Variants in ANKRD36 observed in about 807,000 individuals in gnomAD.
ANKRD36 encodes ankyrin repeat domain-containing protein 36A.
Under a neutral mutation model 278.1 loss-of-function variants are expected in ANKRD36, and 179 were observed. The observed-to-expected ratio is 0.64, with a 90% CI of 0.57 to 0.73. The LOEUF (loss-of-function observed/expected upper bound fraction) is 0.73. Ranked by LOEUF, ANKRD36 falls within the 30% of genes least tolerant of loss-of-function variation. The pLI is 0.00. For synonymous variants in ANKRD36, 320 were observed against 641.1 expected, an observed-to-expected ratio of 0.50 and a Z score of 7.57; for missense variants, 1,159 against 1,956.7, an observed-to-expected ratio of 0.59 and a Z score of 7.69.
chr2:97,192,713 C>T, intron 36 of ANKRD36, 145 bp from the exon 37 acceptor site: 4 of 1,192,256 alleles, frequency 3.4e-6, no homozygotes, highest in Non-Finnish European at 4.8e-6. Flanking sequence ...CTGTCACGTT[C>T]TAGTCCCCAG....
rs1359167694 is a variant in ANKRD36, at chr2:97,218,091, A to G, written c.3775+719A>G. 2.0e-5 allele frequency among the ~76,000 whole-genome samples: 3 copies of G among 151,942 alleles called. No individual in the cohort carries two copies. In the East Asian group the frequency reaches 6.0e-4, roughly 30 times the overall value. On this transcript the variant is annotated intron_variant, in intron 64 of 75. Coordinates refer to ENST00000420699, the MANE Select transcript of ANKRD36 (RefSeq NM_001354587.1). ...CACATATATTTTTTATTAGTTATTCAAATGAGTTGAAGTTTAATATGAATA... is the reference window on the plus strand; with the variant it reads ...CACATATATTTTTTATTAGTTATTCGAATGAGTTGAAGTTTAATATGAATA...
chr2:97,185,330 C>T lies in ANKRD36; in HGVS notation c.1954C>T (p.Gln652Ter). Residue 652 changes from glutamine to a stop codon, truncating the protein, a stop_gained, in exon 29 of 76, where the codon CAA (glutamine) becomes TAA (stop). Transcript: ENST00000420699. LOFTEE classifies it high-confidence loss of function. ...GKSGTVSSQKQPASKATSDKT... is the reference protein window; with the variant it reads ...GKSGTVSSQK The stretch of plus-strand genomic sequence containing the variant: ...TTGCTTTTCAGTGTCTTCTCAGAAA[C>T]AACCAGCCTCAAAGGTAATTAAACT... 6.2e-7 allele frequency: 1 copy of T among 1,607,986 alleles called. No homozygotes were observed. Among genetic ancestry groups the T allele is most frequent in the Non-Finnish European group, 8.5e-7 (1 of 1,175,496 alleles).
intron 6 of ANKRD36, among the ~76,000 whole-genome samples, chr2:97,130,080 G>A (rs927348995): frequency 6.6e-6 from 1 of 151,988 alleles, no homozygotes; most frequent in African/African-American, 2.4e-5. Flanking sequence ...CATTTTGACA[G>A]TATTGATACT....
chr2:97,160,864 T>C (rs574534913), intron 17 of ANKRD36, among the ~76,000 whole-genome samples: 1 of 152,202 alleles, frequency 6.6e-6, no homozygotes, highest in African/African-American at 2.4e-5. Context: ...GAATTATTCC[T>C]TTAGATAACT....
intron 22 of ANKRD36, among the ~76,000 whole-genome samples, chr2:97,171,672 G>C (rs1645836812): frequency 6.9e-6 from 1 of 144,232 alleles, no homozygotes; most frequent in Non-Finnish European, 1.5e-5. Context: ...TGCACAATGT[G>C]CACATGTACC....
At chr2:97,207,031 G>C (rs1396636645) in intron 52 of ANKRD36, among the ~76,000 whole-genome samples, 2 of 151,542 alleles carry the variant, frequency 1.3e-5, no homozygotes, top group East Asian at 3.9e-4. Flanking sequence ...GAATATTGCA[G>C]TGATTTCTGA....
intron 3 of ANKRD36, among the ~76,000 whole-genome samples, chr2:97,122,182 A>T (rs2443930): frequency 1.2e-3 from 102 of 86,910 alleles, no homozygotes; most frequent in African/African-American, 2.8e-3. Context: ...GCAAGTGTGT[A>T]TCACCCAGAG....
chr2:97,120,589 CAT>C (rs891383382), intron 3 of ANKRD36, among the ~76,000 whole-genome samples: 1 of 151,366 alleles, frequency 6.6e-6, no homozygotes, highest in African/African-American at 2.4e-5. Context: ...GAAAATTAAA[CAT>C]AAATTATAAA....
intron 66 of ANKRD36, among the ~76,000 whole-genome samples, chr2:97,221,805 G>A (rs1261530170): frequency 1.4e-5 from 2 of 146,948 alleles, no homozygotes; most frequent in African/African-American, 5.1e-5. Context: ...TGTCAATTTT[G>A]GCTTTTGTTG....
intron 54 of ANKRD36, among the ~76,000 whole-genome samples, chr2:97,208,740 A>G (rs2063546354): frequency 6.8e-6 from 1 of 146,496 alleles, no homozygotes; most frequent in Admixed American, 6.7e-5. Flanking sequence ...ATGTGAATAA[A>G]TTTGCTTCCT....
At chr2:97,123,231 G>T (rs1332034224) in intron 4 of ANKRD36, among the ~76,000 whole-genome samples, 1 of 150,494 alleles carries the variant, frequency 6.6e-6, no homozygotes, top group Non-Finnish European at 1.5e-5. Context: ...ACACATAAAA[G>T]GCTTCTATAT....
At chr2:97,211,978 C>G (rs1262168194) in intron 58 of ANKRD36, among the ~76,000 whole-genome samples, 8 of 151,840 alleles carry the variant, frequency 5.3e-5, no homozygotes, top group African/African-American at 1.4e-4. Flanking sequence ...CATCTGACAG[C>G]AATTCAACAC....
intron 22 of ANKRD36, among the ~76,000 whole-genome samples, chr2:97,168,304 G>A (rs2051351981): frequency 6.6e-6 from 1 of 152,264 alleles, no homozygotes; most frequent in African/African-American, 2.4e-5. Flanking sequence ...CTCTGATTCT[G>A]GAAAATGAAT....
At chr2:97,195,091 C>G (rs1261640860) in intron 40 of ANKRD36, among the ~76,000 whole-genome samples, 174 bp downstream of exon 40, 1 of 151,990 alleles carries the variant, frequency 6.6e-6, no homozygotes, top group Non-Finnish European at 1.5e-5. Flanking sequence ...GGAACATGAT[C>G]TTCACTGTAA....
At chr2:97,263,181 A>G (rs534902472) in intron 75 of ANKRD36, among the ~76,000 whole-genome samples, 1 of 132,954 alleles carries the variant, frequency 7.5e-6, no homozygotes, top group African/African-American at 3.0e-5. Flanking sequence ...GGTTGACCAA[A>G]ATGATAATAG....
In ANKRD36 at chr2:97,157,192, G is replaced by A. The variant is rs372276430; in HGVS notation, c.1261-915G>A. Among the ~76,000 whole-genome samples, 13 of 149,668 alleles carry A rather than the reference G, an allele frequency of 8.7e-5. No individual in the cohort carries two copies. In the South Asian group the frequency reaches 2.5e-3, roughly 29 times the overall value. ...TTTCAGCTTTCAGGTGAATGATCAT[G>A]GTTAATTCTTGGGATGTGTTATTTT... On this transcript the variant is annotated intron_variant, in intron 15 of 75. Transcript: ENST00000420699.
chr2:97,152,071 C>A, intron 13 of ANKRD36, 132 bp downstream of exon 13: 1 of 662,928 alleles, frequency 1.5e-6, no homozygotes, highest in Non-Finnish European at 2.5e-6. Context: ...TGGCTCACTG[C>A]AGTTTCCATC....
Position 97,183,663 on chromosome 2 carries a change from G to A in ANKRD36, c.1939+9G>A, listed in dbSNP as rs1238806746. On this transcript the variant is annotated intron_variant, in intron 28 of 75. Coordinates refer to ENST00000420699, the MANE Select transcript of ANKRD36 (RefSeq NM_001354587.1). ...TGGGAAATCTGGAACAGGTAATTTG[G>A]CAATACACATTTAATGTCATGTGCA... 5 of 1,567,260 alleles carry A rather than the reference G, an allele frequency of 3.2e-6. No homozygotes were observed. The East Asian group carries it at 9.4e-5, about 30-fold the overall frequency.
intron 67 of ANKRD36, among the ~76,000 whole-genome samples, chr2:97,230,065 T>C (rs1446475516): frequency 6.6e-6 from 1 of 152,142 alleles, no homozygotes; most frequent in Non-Finnish European, 1.5e-5. Flanking sequence ...CTGGCTGCCC[T>C]TAACATTTTT....
Sources: gnomAD v4.1 joint callset for allele counts (sites outside exome capture counted in the v4.1 genomes callset) on GRCh38, gnomAD v4.1.1 for gene constraint, MANE v1.5 for transcripts, NCBI Gene and HGNC (gene_info 2026-07-23, HGNC 2026-07-21) for gene names.